Variants in TBC1D15 observed in about 807,000 individuals in gnomAD.
TBC1D15 encodes GAP for RAB7.
In TBC1D15, 39 loss-of-function variants were observed where a neutral mutation model predicts 95.4. The observed-to-expected ratio is 0.41, with a 90% CI of 0.32 to 0.53. TBC1D15 has a LOEUF of 0.53. Ranked by LOEUF, TBC1D15 falls within the 20% of genes least tolerant of loss-of-function variation. TBC1D15 has a pLI of 0.29. For synonymous variants in TBC1D15, 258 were observed against 261.3 expected (o/e 0.99, Z 0.12); for missense variants, 733 against 794.3 (o/e 0.92, Z 0.93).
chr12:71,841,833 CT>C (rs1249523085), intron 1 of TBC1D15, among the ~76,000 whole-genome samples: 2 of 152,162 alleles, frequency 1.3e-5, no homozygotes, highest in Non-Finnish European at 2.9e-5. Context: ...AAACTCTTCA[CT>C]TTTTTATCGT....
intron 1 of TBC1D15, among the ~76,000 whole-genome samples, chr12:71,871,475 G>T (rs180786816): frequency 0.01 from 1,579 of 152,214 alleles, 19 homozygotes; most frequent in South Asian, 0.033. Context: ...AGTTAGAAAG[G>T]ATTGATTCCT....
intron 8 of TBC1D15, 102 bp downstream of exon 8, chr12:71,896,177 T>G: frequency 4.9e-6 from 4 of 817,738 alleles, no homozygotes; most frequent in Non-Finnish European, 5.0e-6. Context: ...TGTTGTTGGT[T>G]TTTTTTTTTT....
intron 1 of TBC1D15, among the ~76,000 whole-genome samples, chr12:71,852,275 G>T (rs750766224): frequency 1.3e-5 from 2 of 152,326 alleles, no homozygotes; most frequent in East Asian, 3.9e-4. Flanking sequence ...CTGAGGTTGT[G>T]CAGGGCAGCA....
chr12:71,847,552 G>T (rs1450370814), intron 1 of TBC1D15, among the ~76,000 whole-genome samples: 1 of 151,780 alleles, frequency 6.6e-6, no homozygotes, highest in Non-Finnish European at 1.5e-5. Flanking sequence ...AAAATTAGCT[G>T]GGTGTGGTGG....
intron 1 of TBC1D15, among the ~76,000 whole-genome samples, chr12:71,842,846 AAAAG>A (rs1370280183): frequency 2.0e-5 from 3 of 151,668 alleles, no homozygotes; most frequent in African/African-American, 7.3e-5. Context: ...AAAAAAAAAA[AAAAG>A]AAAAGAAAAA....
chr12:71,909,303 T>C (rs927996452), intron 11 of TBC1D15, among the ~76,000 whole-genome samples: 3 of 152,222 alleles, frequency 2.0e-5, no homozygotes, highest in African/African-American at 7.2e-5. Context: ...GACTGTAAAT[T>C]TACTCTGTCT....
intron 1 of TBC1D15, among the ~76,000 whole-genome samples, chr12:71,851,013 G>C (rs886429291): frequency 7.8e-6 from 1 of 129,000 alleles, no homozygotes; most frequent in African/African-American, 2.9e-5. Flanking sequence ...AAAAAAGAAA[G>C]AAATACCTGA....
At chr12:71,870,562 A>G (rs1284633427) in intron 1 of TBC1D15, among the ~76,000 whole-genome samples, 2 of 152,224 alleles carry the variant, frequency 1.3e-5, no homozygotes, top group Non-Finnish European at 2.9e-5. Flanking sequence ...TTAACATAAC[A>G]CATCCGAGAG....
intron 5 of TBC1D15, 119 bp from the exon 6 acceptor site, chr12:71,893,103 C>T (rs1043528581): frequency 3.6e-6 from 2 of 554,452 alleles, no homozygotes; most frequent in African/African-American, 2.0e-5. Flanking sequence ...TAATGGAAAA[C>T]TGTTAAAATA....
chr12:71,920,985 A>C lies in TBC1D15; in HGVS notation c.1716+138A>C, dbSNP rs141383147. The C allele has an allele frequency of 9.4e-3, 6,023 of 639,496 alleles. 59 individuals carry two copies. The highest frequency in any genetic ancestry group is 0.024 in the Middle Eastern group (55 of 2,260). The allele number at this position is 639,496 out of a possible 1,614,324, so 39.6% of individuals were successfully genotyped here. A position where few individuals can be genotyped will look rare whatever the true frequency, so the allele number is the denominator to read the frequency against. On this transcript the variant is annotated intron_variant, in intron 15 of 16. Transcript: ENST00000485960. ...GTCAATAACAGTGCTAGGAATGACT[A>C]TCTGAGAATGACAGTTCAAATACAT...
rs1418255626 is a variant in TBC1D15, at chr12:71,907,097, A to G, written c.1259A>G (p.His420Arg). 2.5e-6 allele frequency: 4 copies of G among 1,611,236 alleles called. No homozygotes were observed. In the African/African-American group the frequency reaches 4.0e-5, roughly 16 times the overall value. The stretch of plus-strand genomic sequence containing the variant: ...GATAATCCAGGGTTGATTTTACTTC[A>G]TGACATTTTGATGACCTACTGTATG... ...GQDNPGLILL[H>R]DILMTYCMYD... The change falls in exon 11 of 17, where the codon CAT becomes CGT. Residue 420 changes from histidine to arginine, a missense_variant. Coordinates refer to ENST00000485960, the MANE Select transcript of TBC1D15 (RefSeq NM_001146213.3).
chr12:71,909,064 G>A (rs898976599), intron 11 of TBC1D15, among the ~76,000 whole-genome samples: 1 of 152,204 alleles, frequency 6.6e-6, no homozygotes, highest in African/African-American at 2.4e-5. Context: ...TCTGTAGCAG[G>A]AGTTCCTGAA....
rs1200385677 is a variant in TBC1D15 at position 71,872,949 on chromosome 12, C to G, written c.150C>G (p.Asp50Glu). The G allele has an allele frequency of 1.2e-6, 2 of 1,608,870 alleles. No individual in the cohort carries two copies. The highest frequency in any genetic ancestry group is 1.1e-5 in the South Asian group (1 of 90,186). The stretch of plus-strand genomic sequence containing the variant: ...TCTAGGATGCCGAAGTAATAGTGGA[C>G]TGGAGACCATTGGATGATGCATTAG... ...VLEKDAEVIV[D>E]WRPLDDALDS... Residue 50 changes from aspartate to glutamate, a missense_variant, in exon 3 of 17, where the codon GAC becomes GAG. Transcript: ENST00000485960.
intron 8 of TBC1D15, chr12:71,896,322 G>A: frequency 2.4e-6 from 1 of 423,138 alleles, no homozygotes; most frequent in Non-Finnish European, 4.2e-6. Flanking sequence ...AACTCTGGGG[G>A]AAGAATTCTT....
intron 3 of TBC1D15, among the ~76,000 whole-genome samples, chr12:71,878,839 A>C (rs1894534163): frequency 6.6e-6 from 1 of 151,886 alleles, no homozygotes; most frequent in Non-Finnish European, 1.5e-5. Flanking sequence ...TAAAAAAAAA[A>C]AAACTAGTCA....
chr12:71,905,963 C>T (rs1158295207), intron 10 of TBC1D15, among the ~76,000 whole-genome samples: 1 of 151,996 alleles, frequency 6.6e-6, no homozygotes, highest in Non-Finnish European at 1.5e-5. Flanking sequence ...ACCTTTGCCT[C>T]CCGGGTTCAA....
intron 8 of TBC1D15, 119 bp from the exon 9 acceptor site, chr12:71,896,556 ACT>A: frequency 1.3e-6 from 1 of 760,752 alleles, no homozygotes; most frequent in Non-Finnish European, 2.1e-6. Flanking sequence ...ACTGAATTGA[ACT>A]ATTTACATAT....
At chr12:71,874,727 A>G (rs913934288) in intron 3 of TBC1D15, among the ~76,000 whole-genome samples, 2 of 148,558 alleles carry the variant, frequency 1.3e-5, no homozygotes, top group African/African-American at 2.5e-5. Flanking sequence ...GGTTCAAACA[A>G]TTCTCATGCC....
intron 10 of TBC1D15, among the ~76,000 whole-genome samples, chr12:71,906,793 G>T (rs1213003263): frequency 1.3e-5 from 2 of 152,036 alleles, no homozygotes; most frequent in Admixed American, 6.6e-5. Flanking sequence ...GATAATAATT[G>T]AAAAATATTT....
Sources: gnomAD v4.1 joint callset for allele counts (sites outside exome capture counted in the v4.1 genomes callset) on GRCh38, gnomAD v4.1.1 for gene constraint, MANE v1.5 for transcripts, NCBI Gene and HGNC (gene_info 2026-07-23, HGNC 2026-07-21) for gene names.